Variants in PPEF1 observed in about 807,000 individuals in gnomAD.
PPEF1 encodes the protein protein phosphatase with EF-hand domain 1.
In PPEF1, 12 loss-of-function variants were observed where a neutral mutation model predicts 53.3. That is an observed-to-expected ratio of 0.23 (90% CI 0.14 to 0.36). The LOEUF (loss-of-function observed/expected upper bound fraction) is 0.36, where lower values mean the gene tolerates loss of function less well. Among genes scored for constraint, PPEF1 ranks in the 10% least tolerant of loss-of-function variants. The pLI is 1.00. For synonymous variants in PPEF1, 165 were observed against 176.7 expected (o/e 0.93, Z 0.52); for missense variants, 334 against 490.4 (o/e 0.68, Z 3.01).
rs189444266 is a variant in PPEF1 at position 18,791,963 on chromosome X, A to G, written c.1065+2690A>G. Among the ~76,000 whole-genome samples, 762 of 112,442 alleles carry G rather than the reference A, an allele frequency of 6.8e-3. 3 individuals carry two copies. Among genetic ancestry groups the G allele is most frequent in the African/African-American group, 0.024 (730 of 31,032 alleles). On this transcript the variant is annotated intron_variant, in intron 10 of 15. Coordinates refer to ENST00000470157, the MANE Select transcript of PPEF1 (RefSeq NM_001377996.1). ...ATGTGTTCTTTCCCTTTATTCTATT[A>G]ATACAGTATATTATATTGATTGATT...
chrX:18,732,679 A>G (rs899211010), intron 2 of PPEF1, among the ~76,000 whole-genome samples: 1 of 111,498 alleles, frequency 9.0e-6, no homozygotes, highest in Non-Finnish European at 1.9e-5. Flanking sequence ...CCCAACTCCC[A>G]GATCTACTCC....
intron 3 of PPEF1, among the ~76,000 whole-genome samples, chrX:18,746,501 C>T (rs764037795): frequency 2.7e-5 from 3 of 110,931 alleles, no homozygotes; most frequent in Admixed American, 9.7e-5. Context: ...ATGGAAGGGA[C>T]GGTAGACCAA....
chrX:18,741,787 TTTTTTTTTTAACGTTTTG>T (rs2045171358), intron 3 of PPEF1, among the ~76,000 whole-genome samples: 1 of 106,078 alleles, frequency 9.4e-6, no homozygotes, highest in Non-Finnish European at 1.9e-5. Flanking sequence ...TTTTTTTTTT[TTTTTTTTTTAACGTTTTG>T]TTTTGTTGTC....
At chrX:18,692,407 G>A (rs1315338908) in intron 4 of PPEF1, among the ~76,000 whole-genome samples, 2 of 111,959 alleles carry the variant, frequency 1.8e-5, no homozygotes, top group African/African-American at 6.5e-5. Context: ...CTAGCATAGT[G>A]CCTGGCACAT....
At chrX:18,789,046 C>G in intron 9 of PPEF1, 75 bp from the exon 10 acceptor site, 1 of 1,115,837 alleles carries the variant, frequency 9.0e-7, no homozygotes, top group East Asian at 3.0e-5. Context: ...TAGAAAGAAT[C>G]CCACCTGGGA....
At chrX:18,688,668 A>G (rs1325283824) in intron 3 of PPEF1, 1 of 112,492 alleles carries the variant, frequency 8.9e-6, no homozygotes, top group Non-Finnish European at 1.9e-5. Flanking sequence ...TGCTTTATTT[A>G]CATATCACAA....
intron 8 of PPEF1, 92 bp from the exon 9 acceptor site, chrX:18,783,807 C>G: frequency 1.1e-6 from 1 of 900,767 alleles, no homozygotes; most frequent in Non-Finnish European, 1.5e-6. Context: ...TTTGAGTGGC[C>G]TGAAAATCAT....
At chrX:18,787,594 C>A (rs2147617520) in intron 9 of PPEF1, among the ~76,000 whole-genome samples, 1 of 109,696 alleles carries the variant, frequency 9.1e-6, no homozygotes, top group South Asian at 4.0e-4. Flanking sequence ...CTTAAGAGAC[C>A]ATGTGGCCTT....
chrX:18,801,033 T>C (rs903980242), intron 10 of PPEF1, among the ~76,000 whole-genome samples: 2 of 112,197 alleles, frequency 1.8e-5, no homozygotes, highest in Non-Finnish European at 3.8e-5. Flanking sequence ...GACATCATGG[T>C]GTAAGAGCCA....
chrX:18,766,704 G>A (rs2045781598), intron 6 of PPEF1, among the ~76,000 whole-genome samples: 1 of 112,169 alleles, frequency 8.9e-6, no homozygotes, highest in South Asian at 3.8e-4. Context: ...CAGCAGATTA[G>A]GGAGTGGGAG....
upstream of PPEF1, among the ~76,000 whole-genome samples, chrX:18,681,069 A>G (rs1260611272): frequency 8.1e-5 from 9 of 111,524 alleles, no homozygotes; most frequent in African/African-American, 2.3e-4. Context: ...TAGTGCCACA[A>G]TAAACATACG....
At chrX:18,778,878 G>T in intron 6 of PPEF1, 132 bp from the exon 7 acceptor site, 1 of 660,104 alleles carries the variant, frequency 1.5e-6, no homozygotes, top group South Asian at 3.5e-5. Flanking sequence ...AAGCGAGAGA[G>T]CAGATTTTTC....
intron 3 of PPEF1, chrX:18,686,281 C>T (rs1929074095): frequency 2.7e-5 from 3 of 111,107 alleles, no homozygotes; most frequent in African/African-American, 9.8e-5. Context: ...CTCCATTTCC[C>T]TGCCTTTTGG....
chrX:18,821,784 AGAGAGAGAGAGAG>A (rs1569273816), intron 13 of PPEF1, among the ~76,000 whole-genome samples: 1 of 104,543 alleles, frequency 9.6e-6, no homozygotes, highest in African/African-American at 3.5e-5. Context: ...AGAGAGAGAG[AGAGAGAGAGAGAG>A]AGAGAGAAAA....
chrX:18,789,007 G>C, intron 9 of PPEF1, 114 bp from the exon 10 acceptor site: 1 of 931,658 alleles, frequency 1.1e-6, no homozygotes, highest in Non-Finnish European at 1.5e-6. Flanking sequence ...GTGACCGTGT[G>C]TTTTTCATTG....
In PPEF1 at chrX:18,731,790, C is replaced by T. The variant is rs140189046; in HGVS notation, c.174+1482C>T. Among the ~76,000 whole-genome samples, 966 of 112,327 alleles carry T rather than the reference C, an allele frequency of 8.6e-3. 11 individuals carry two copies. Among genetic ancestry groups the T allele is most frequent in the African/African-American group, 0.03 (918 of 30,925 alleles). On this transcript the variant is annotated intron_variant, in intron 2 of 15. Coordinates refer to ENST00000470157, the MANE Select transcript of PPEF1 (RefSeq NM_001377996.1). The stretch of plus-strand genomic sequence containing the variant: ...ATTTCCTTCCCCCAGTCCCTGGCAA[C>T]GACTAAGCTATTTTCTATCTCTATG...
chrX:18,826,353 A>G (rs1206945705), intron 15 of PPEF1, among the ~76,000 whole-genome samples: 2 of 109,003 alleles, frequency 1.8e-5, no homozygotes, highest in African/African-American at 3.4e-5. Flanking sequence ...TCATGGCCAT[A>G]AAAATCATTC....
chrX:18,712,068 A>G (rs1363543509), intron 1 of PPEF1, among the ~76,000 whole-genome samples: 1 of 111,868 alleles, frequency 8.9e-6, no homozygotes, highest in Non-Finnish European at 1.9e-5. Flanking sequence ...AGCTTTTTTT[A>G]ATAAAGTTTT....
At chrX:18,746,338 T>C (rs975108676) in intron 3 of PPEF1, among the ~76,000 whole-genome samples, 7 of 112,184 alleles carry the variant, frequency 6.2e-5, no homozygotes, top group African/African-American at 2.3e-4. Context: ...TATGTTATTC[T>C]TTTTTATGTT....
Sources: gnomAD v4.1 joint callset for allele counts (sites outside exome capture counted in the v4.1 genomes callset) on GRCh38, gnomAD v4.1.1 for gene constraint, MANE v1.5 for transcripts, NCBI Gene and HGNC (gene_info 2026-07-23, HGNC 2026-07-21) for gene names.